ATIC: variants seen among roughly 807,000 people sequenced by gnomAD.
ATIC encodes the protein bifunctional purine biosynthesis protein ATIC.
In ATIC, 64 loss-of-function variants were observed where a neutral mutation model predicts 72.5. The observed-to-expected ratio is 0.88, with a 90% CI of 0.72 to 1.09. The LOEUF (loss-of-function observed/expected upper bound fraction) is 1.09, where lower values mean the gene tolerates loss of function less well. Among genes scored for constraint, ATIC ranks in the 50% least tolerant of loss-of-function variants. The pLI, the probability that ATIC is intolerant of heterozygous loss-of-function variation, is 0.00. For synonymous variants in ATIC, 281 were observed against 267.1 expected (o/e 1.05, Z -0.51); for missense variants, 787 against 732.4 (o/e 1.07, Z -0.86).
chr2:215,358,445 T>G, the ATIC span, among the ~76,000 whole-genome samples: 2 of 152,196 alleles, frequency 1.3e-5, no homozygotes, highest in East Asian at 3.9e-4. Context: ...AAAAGATCTT[T>G]GGAAATAGTT....
At chr2:215,327,501 T>C (rs1467403591) in intron 7 of ATIC, among the ~76,000 whole-genome samples, 7 of 152,206 alleles carry the variant, frequency 4.6e-5, no homozygotes, top group Non-Finnish European at 1.0e-4. Flanking sequence ...TAAAGAGGTT[T>C]CTTGGAACAA....
At chr2:215,344,968 A>G in intron 13 of ATIC, 97 bp downstream of exon 13, 2 of 1,262,158 alleles carry the variant, frequency 1.6e-6, no homozygotes, top group Non-Finnish European at 2.3e-6. Context: ...CTTGAAAGGG[A>G]ATATTTGCCA....
chr2:215,324,635 C>T (rs1472831581), intron 4 of ATIC, among the ~76,000 whole-genome samples: 1 of 152,142 alleles, frequency 6.6e-6, no homozygotes, highest in Admixed American at 6.5e-5. Context: ...GCCCGTAGAG[C>T]TCCTCGCACT....
At chr2:215,338,701 A>G in intron 11 of ATIC, 78 bp from the exon 12 acceptor site, 4 of 1,455,516 alleles carry the variant, frequency 2.7e-6, no homozygotes, top group Middle Eastern at 4.8e-4. Flanking sequence ...TTACAATGAA[A>G]TCTTTTGTAT....
chr2:215,357,855 T>C, the ATIC span, among the ~76,000 whole-genome samples: 1 of 152,096 alleles, frequency 6.6e-6, no homozygotes, highest in Non-Finnish European at 1.5e-5. Flanking sequence ...GGTCTTTTTT[T>C]TTTTTTCTTA....
rs553745052 is a variant in ATIC at position 215,343,335 on chromosome 2, G to A, written c.1228-1444G>A. 1.5e-3 allele frequency among the ~76,000 whole-genome samples: 225 copies of A among 152,038 alleles called. 2 individuals are homozygous for A. The highest frequency in any genetic ancestry group is 5.3e-3 in the African/African-American group (220 of 41,468). On this transcript the variant is annotated intron_variant, in intron 12 of 15. Transcript: ENST00000236959. ...TCTAATTAAATTTTTGATTGTTACT[G>A]AGTTTTTTTGTTTTGTTTTGAGATG...
In ATIC at chr2:215,326,031, G is replaced by C. The variant is rs1320118810; in HGVS notation, c.424G>C (p.Val142Leu). Residue 142 changes from valine to leucine, a missense_variant, in exon 6 of 16, where the codon GTG becomes CTG. Coordinates refer to ENST00000236959, the MANE Select transcript of ATIC (RefSeq NM_004044.7). ...LRAAAKNHAR[V>L]TVVCEPEDYV... Reference sequence around the variant, plus strand: ...AGCTGCAGCCAAAAACCACGCTCGAGTGACAGTGGTGTGTGAACCAGAGGA... The same window carrying C: ...AGCTGCAGCCAAAAACCACGCTCGACTGACAGTGGTGTGTGAACCAGAGGA... The C allele has an allele frequency of 6.2e-7, 1 of 1,614,088 alleles. No homozygotes were observed. The highest frequency in any genetic ancestry group is 8.5e-7 in the Non-Finnish European group (1 of 1,180,036).
In ATIC at chr2:215,334,825, G is replaced by A. The variant is rs181614048; in HGVS notation, c.923-94G>A. The A allele has an allele frequency of 2.3e-4, 227 of 981,980 alleles. No individual in the cohort carries two copies. In the African/African-American group the frequency reaches 3.2e-3, roughly 14 times the overall value. The allele number at this position is 981,980 out of a possible 1,614,324, so 60.8% of individuals were successfully genotyped here. The stretch of plus-strand genomic sequence containing the variant: ...TATGTAAACAGTAAGATTAGCTTTA[G>A]AGTAATGAATTTTATATGACAGTGG... On this transcript the variant is annotated intron_variant, in intron 9 of 15. Transcript: ENST00000236959.
At chr2:215,340,662 C>T (rs2053009736) in intron 12 of ATIC, among the ~76,000 whole-genome samples, 1 of 152,152 alleles carries the variant, frequency 6.6e-6, no homozygotes, top group African/African-American at 2.4e-5. Flanking sequence ...TTCCTAAAGG[C>T]TAAATAGGAA....
rs771134346 is a variant in ATIC at position 215,349,147 on chromosome 2, C to T, written c.1557C>T (p.Leu519=). 1.2e-6 allele frequency: 2 copies of T among 1,613,832 alleles called. No individual in the cohort carries two copies. The highest frequency in any genetic ancestry group is 1.3e-5 in the African/African-American group (1 of 74,854). ...KALFEEVPEL[L]TEAEKKEWVE... ...TGTTTGAGGAAGTCCCTGAGTTACT[C>T]ACTGAGGCAGAGAAGAAGGAATGGG... The change falls in exon 15 of 16, where the codon CTC becomes CTT. Residue 519 remains leucine (L), a synonymous_variant. Coordinates refer to ENST00000236959, the MANE Select transcript of ATIC (RefSeq NM_004044.7).
chr2:215,336,010 A>T (rs1280316479), intron 10 of ATIC, 25 bp from the exon 11 acceptor site: 1 of 1,540,822 alleles, frequency 6.5e-7, no homozygotes, highest in Non-Finnish European at 8.9e-7. Flanking sequence ...TTAAAAATAG[A>T]AATTAAAATT....
the ATIC span, chr2:215,365,719 C>A: frequency 8.1e-7 from 1 of 1,237,204 alleles, no homozygotes; most frequent in South Asian, 1.2e-5. Context: ...GTCACAGGGT[C>A]TTCAGAACCA....
intron 7 of ATIC, among the ~76,000 whole-genome samples, chr2:215,328,500 C>A (rs1256209037): frequency 6.6e-6 from 1 of 152,060 alleles, no homozygotes; most frequent in Non-Finnish European, 1.5e-5. Flanking sequence ...TCCACTCCAG[C>A]GCCTCTGGCT....
chr2:215,316,217 C>G (rs1375182789), intron 2 of ATIC, among the ~76,000 whole-genome samples: 2 of 152,088 alleles, frequency 1.3e-5, no homozygotes, highest in Non-Finnish European at 2.9e-5. Context: ...ATAAATCCGC[C>G]TTCTCTAAGT....
intron 4 of ATIC, 177 bp from the exon 5 acceptor site, chr2:215,325,064 A>T (rs975469179): frequency 1.2e-5 from 7 of 582,702 alleles, no homozygotes; most frequent in Admixed American, 2.7e-5. Context: ...CCCCAGCAGG[A>T]CACCCTGACT....
the ATIC span, chr2:215,361,334 A>T: frequency 1.7e-6 from 1 of 578,810 alleles, no homozygotes; most frequent in Non-Finnish European, 3.1e-6. Context: ...ACTTCGAAGC[A>T]GAACAGGCAA....
At chr2:215,358,029 G>C in the ATIC span, among the ~76,000 whole-genome samples, 1 of 152,078 alleles carries the variant, frequency 6.6e-6, no homozygotes, top group Non-Finnish European at 1.5e-5. Flanking sequence ...ACTAGAAATG[G>C]AATAGAAGTT....
intron 1 of ATIC, 168 bp downstream of exon 1, chr2:215,312,329 G>GAGCA: frequency 6.7e-7 from 1 of 1,489,322 alleles, no homozygotes; most frequent in Non-Finnish European, 9.1e-7. Flanking sequence ...GCCCGCCTTA[G>GAGCA]AGCAGCTCGC....
chr2:215,359,526 T>A, the ATIC span, among the ~76,000 whole-genome samples: 1 of 152,212 alleles, frequency 6.6e-6, no homozygotes, highest in East Asian at 1.9e-4. Context: ...TTAAAAAACA[T>A]ACAGAGCAGC....
Sources: allele counts gnomAD v4.1 joint callset (sites outside exome capture counted in the v4.1 genomes callset), GRCh38; gene constraint gnomAD v4.1.1; transcripts MANE v1.5; gene names NCBI Gene and HGNC (gene_info 2026-07-23, HGNC 2026-07-21).